Variants in ZNF277 observed in about 807,000 individuals in gnomAD.
ZNF277 encodes zinc finger protein 277, also known as nuclear receptor-interacting factor 4.
A neutral mutation model predicts 60.7 loss-of-function variants in ZNF277; 55 were observed. That is an observed-to-expected ratio of 0.91 (90% CI 0.73 to 1.13). The LOEUF (loss-of-function observed/expected upper bound fraction) is 1.13, where lower values mean the gene tolerates loss of function less well. ZNF277 is among the 50% of genes most tolerant of loss of function. The pLI, the probability that ZNF277 is intolerant of heterozygous loss-of-function variation, is 0.00. For missense variants in ZNF277, 510 were observed against 523.0 expected, an observed-to-expected ratio of 0.98 and a Z score of 0.24; for synonymous variants, 178 against 179.3, an observed-to-expected ratio of 0.99 and a Z score of 0.06.
In ZNF277 at chr7:112,342,936, A is replaced by C. The variant is rs1274934466; in HGVS notation, c.*207A>C. 5.5e-6 allele frequency: 2 copies of C among 364,494 alleles called. No homozygotes were observed. The highest frequency in any genetic ancestry group is 9.8e-6 in the Non-Finnish European group (2 of 204,722). The allele number at this position is 364,494 out of a possible 1,614,324, so 22.6% of individuals were successfully genotyped here. ...AGAACATGAAAAAAAATGAAGTAGG[A>C]AAATAAGATGAAGACTTTGTATTTT... On this transcript the variant is annotated 3_prime_UTR_variant, in exon 12 of 12. Transcript: ENST00000361822.
At chr7:112,267,583 G>A (rs2117033327) in intron 1 of ZNF277, among the ~76,000 whole-genome samples, 1 of 152,314 alleles carries the variant, frequency 6.6e-6, no homozygotes, top group South Asian at 2.1e-4. Context: ...ATAATTGCTA[G>A]CATGTGATTA....
At chr7:112,207,089 T>C (rs1250227019) in intron 1 of ZNF277, among the ~76,000 whole-genome samples, 2 of 152,244 alleles carry the variant, frequency 1.3e-5, no homozygotes, top group African/African-American at 4.8e-5. Flanking sequence ...GTTTGTCTTC[T>C]GGTTTGGAGC....
At chr7:112,299,778 A>G (rs992703600) in intron 4 of ZNF277, among the ~76,000 whole-genome samples, 1 of 152,090 alleles carries the variant, frequency 6.6e-6, no homozygotes, top group Non-Finnish European at 1.5e-5. Flanking sequence ...GATCTTGAGG[A>G]TCTCAACTTG....
chr7:112,321,004 T>C (rs943622205), intron 5 of ZNF277, among the ~76,000 whole-genome samples: 1 of 148,436 alleles, frequency 6.7e-6, no homozygotes, highest in Non-Finnish European at 1.5e-5. Context: ...TCACTGCAAG[T>C]TCCGCCTCCC....
At chr7:112,305,837 G>C (rs923586717) in intron 4 of ZNF277, among the ~76,000 whole-genome samples, 2 of 152,058 alleles carry the variant, frequency 1.3e-5, no homozygotes, top group Non-Finnish European at 2.9e-5. Context: ...TGCTGGTCCA[G>C]TGTCTCCAGT....
chr7:112,269,216 T>TG (rs1355683969), intron 1 of ZNF277, among the ~76,000 whole-genome samples: 7 of 150,770 alleles, frequency 4.6e-5, no homozygotes, highest in African/African-American at 1.7e-4. Context: ...TTTTGTTTTT[T>TG]TTTTGTTTGT....
chr7:112,294,360 T>TG (rs760257817), intron 2 of ZNF277, among the ~76,000 whole-genome samples: 8 of 152,214 alleles, frequency 5.3e-5, no homozygotes, highest in Non-Finnish European at 8.8e-5. Context: ...TCTGCTGTGA[T>TG]GGATCCAATA....
At chr7:112,285,019 T>C (rs1399971719) in intron 1 of ZNF277, among the ~76,000 whole-genome samples, 1 of 152,076 alleles carries the variant, frequency 6.6e-6, no homozygotes, top group Non-Finnish European at 1.5e-5. Flanking sequence ...CCCTCTTACA[T>C]TGCTTATATA....
chr7:112,242,878 AG>A (rs939376384), intron 1 of ZNF277, among the ~76,000 whole-genome samples: 52 of 152,260 alleles, frequency 3.4e-4, no homozygotes, highest in African/African-American at 1.3e-3. Context: ...CTAAGCAAAA[AG>A]GACAAAGCTG....
chr7:112,330,828 C>T (rs1378195143), intron 7 of ZNF277, among the ~76,000 whole-genome samples: 1 of 152,116 alleles, frequency 6.6e-6, no homozygotes, highest in African/African-American at 2.4e-5. Flanking sequence ...AAGTGAACCA[C>T]CAGCCTTGCC....
chr7:112,209,215 C>A (rs749018152), intron 1 of ZNF277, among the ~76,000 whole-genome samples: 11 of 152,018 alleles, frequency 7.2e-5, no homozygotes, highest in African/African-American at 2.7e-4. Flanking sequence ...TTGCAATGAA[C>A]AACTTTATGT....
At chr7:112,256,427 T>G (rs998878990) in intron 1 of ZNF277, among the ~76,000 whole-genome samples, 6 of 142,824 alleles carry the variant, frequency 4.2e-5, no homozygotes, top group African/African-American at 1.6e-4. Flanking sequence ...TGGAGTTTTT[T>G]TTTTTTTTTT....
chr7:112,325,674 C>A (rs1044684519), intron 5 of ZNF277, among the ~76,000 whole-genome samples: 1 of 152,168 alleles, frequency 6.6e-6, no homozygotes, highest in East Asian at 1.9e-4. Context: ...ATCATGGGGA[C>A]CTTCCTAGTA....
intron 1 of ZNF277, among the ~76,000 whole-genome samples, chr7:112,259,907 G>C (rs1012046964): frequency 6.6e-6 from 1 of 152,128 alleles, no homozygotes. Flanking sequence ...CATTAGGAGA[G>C]AAAAACTGTT....
At chr7:112,320,954 C>T (rs1403274761) in intron 5 of ZNF277, among the ~76,000 whole-genome samples, 2 of 127,456 alleles carry the variant, frequency 1.6e-5, no homozygotes, top group East Asian at 2.5e-4. Context: ...TGGAGTCTCA[C>T]TCTGTCGCCC....
At chr7:112,296,186 G>A in intron 3 of ZNF277, 43 bp from the exon 4 acceptor site, 1 of 1,342,912 alleles carries the variant, frequency 7.4e-7, no homozygotes, top group East Asian at 2.3e-5. Context: ...GGAAAAAATG[G>A]TTAATATCTG....
intron 1 of ZNF277, among the ~76,000 whole-genome samples, chr7:112,266,970 CTT>C (rs1203676649): frequency 1.3e-5 from 2 of 152,172 alleles, no homozygotes; most frequent in Non-Finnish European, 2.9e-5. Flanking sequence ...TATTCATAAA[CTT>C]TCTGTTCTTT....
intron 1 of ZNF277, among the ~76,000 whole-genome samples, chr7:112,225,365 T>G (rs1233721892): frequency 6.6e-6 from 1 of 152,230 alleles, no homozygotes. Context: ...AATCAGCCAG[T>G]TGTAATATAA....
At chr7:112,300,770 C>G (rs1421255212) in intron 4 of ZNF277, among the ~76,000 whole-genome samples, 1 of 152,104 alleles carries the variant, frequency 6.6e-6, no homozygotes, top group East Asian at 1.9e-4. Flanking sequence ...TGCTATTTGC[C>G]TGTTCTCCTT....
Sources: allele counts gnomAD v4.1 joint callset (sites outside exome capture counted in the v4.1 genomes callset), GRCh38; gene constraint gnomAD v4.1.1; transcripts MANE v1.5; gene names NCBI Gene and HGNC (gene_info 2026-07-23, HGNC 2026-07-21).